INVS: variants seen among roughly 807,000 people sequenced by gnomAD.
INVS encodes inversion of embryo turning homolog.
In INVS, 86 loss-of-function variants were observed where a neutral mutation model predicts 108.8. That is an observed-to-expected ratio of 0.79 (90% CI 0.66 to 0.95). The LOEUF is 0.95. Ranked by LOEUF, INVS falls within the 40% of genes least tolerant of loss-of-function variation. INVS has a pLI of 0.00. For missense variants in INVS, 1,169 were observed against 1,297.4 expected (o/e 0.90, Z 1.52); for synonymous variants, 455 against 473.5 (o/e 0.96, Z 0.51).
At chr9:100,122,748 T>C (rs909944682) in intron 2 of INVS, among the ~76,000 whole-genome samples, 3 of 151,880 alleles carry the variant, frequency 2.0e-5, no homozygotes, top group Non-Finnish European at 4.4e-5. Context: ...CACACCCAGC[T>C]AATTTTTTCT....
chr9:100,117,360 C>T (rs1205594522), intron 2 of INVS: 2 of 750,254 alleles, frequency 2.7e-6, no homozygotes, highest in Non-Finnish European at 4.8e-6. Flanking sequence ...TCAATGATCT[C>T]AGATTCATTA....
Position 100,264,864 on chromosome 9 carries a change from G to C in INVS, c.1507G>C (p.Asp503His). 1 of 1,613,710 alleles carries C rather than the reference G, an allele frequency of 6.2e-7. No individual in the cohort carries two copies. The change falls in exon 11 of 17, where the codon GAT becomes CAT. Residue 503 changes from aspartate (D) to histidine (H), a missense_variant. This residue lies in a region of INVS where 271 missense variants were observed against 363.8 expected (regional missense o/e 0.74). Transcript: ENST00000262457. Reference sequence around the variant, plus strand: ...TTGGTCCTGCAACAATGGATACCTTGATGCCATTAAATTACTGCTAGACTT... The same window carrying C: ...TTGGTCCTGCAACAATGGATACCTTCATGCCATTAAATTACTGCTAGACTT... ...LHWSCNNGYLDAIKLLLDFAA... is the reference protein window; with the variant it reads ...LHWSCNNGYLHAIKLLLDFAA...
intron 3 of INVS, among the ~76,000 whole-genome samples, chr9:100,135,433 G>T (rs758066881): frequency 6.6e-6 from 1 of 152,156 alleles, no homozygotes; most frequent in Admixed American, 6.5e-5. Context: ...AATTCAGCAG[G>T]GCTGGTGTGG....
intron 2 of INVS, among the ~76,000 whole-genome samples, chr9:100,109,618 A>G (rs976717516): frequency 1.6e-4 from 25 of 152,192 alleles, no homozygotes; most frequent in African/African-American, 5.1e-4. Flanking sequence ...TTCACTGTCC[A>G]TGTTCTGAGC....
chr9:100,221,749 G>A (rs898832527), intron 3 of INVS, among the ~76,000 whole-genome samples: 4 of 151,948 alleles, frequency 2.6e-5, no homozygotes, highest in South Asian at 2.1e-4. Flanking sequence ...TGCTTTCTGT[G>A]ATTTCATTTA....
At chr9:100,183,372 G>A (rs1829954846) in intron 3 of INVS, among the ~76,000 whole-genome samples, 2 of 152,216 alleles carry the variant, frequency 1.3e-5, no homozygotes, top group South Asian at 2.1e-4. Context: ...TAAAATAATC[G>A]CTTTAAAATG....
chr9:100,175,657 C>G (rs1829688190), intron 3 of INVS: 2 of 643,692 alleles, frequency 3.1e-6, no homozygotes, highest in Non-Finnish European at 5.8e-6. Context: ...TGAGCACCTA[C>G]CTACCCCAGC....
At chr9:100,293,445 G>A (rs1833688999) in intron 14 of INVS, among the ~76,000 whole-genome samples, 1 of 152,142 alleles carries the variant, frequency 6.6e-6, no homozygotes, top group South Asian at 2.1e-4. Flanking sequence ...ACAGGTTGCT[G>A]GAATGAGATA....
rs768497061 is a variant in INVS, at chr9:100,301,939, A to C, written c.*1265A>C. 59 of 319,508 alleles carry C rather than the reference A, an allele frequency of 1.8e-4. No homozygotes were observed. Among genetic ancestry groups the C allele is most frequent in the Non-Finnish European group, 2.8e-4 (49 of 176,576 alleles). 19.8% of individuals were successfully genotyped at this position (319,508 alleles called of 1,614,324 possible). ...ACCACAGTATCACTCTCTATTTTGT[A>C]AATATTTAGCTCCTATGAAATGCAC... On this transcript the variant is annotated 3_prime_UTR_variant, in exon 17 of 17. Coordinates refer to ENST00000262457, the MANE Select transcript of INVS (RefSeq NM_014425.5).
chr9:100,262,241 A>G (rs2118616393), intron 10 of INVS, among the ~76,000 whole-genome samples: 1 of 151,416 alleles, frequency 6.6e-6, no homozygotes, highest in East Asian at 1.9e-4. Context: ...ACCTTGTCAA[A>G]AAAAAAAAGT....
At chr9:100,180,289 C>T (rs1829848215) in intron 3 of INVS, among the ~76,000 whole-genome samples, 1 of 151,368 alleles carries the variant, frequency 6.6e-6, no homozygotes, top group South Asian at 2.1e-4. Flanking sequence ...CAGAGCAGAA[C>T]TAAAGGAGAT....
intron 3 of INVS, among the ~76,000 whole-genome samples, chr9:100,183,684 G>C (rs951904272): frequency 1.3e-5 from 2 of 151,270 alleles, no homozygotes; most frequent in Non-Finnish European, 2.9e-5. Context: ...CCAGCTACTC[G>C]GGAGGCTGAG....
At chr9:100,203,826 T>C (rs1830601330) in intron 3 of INVS, among the ~76,000 whole-genome samples, 2 of 152,162 alleles carry the variant, frequency 1.3e-5, no homozygotes, top group African/African-American at 4.8e-5. Context: ...TGTAATGTTG[T>C]GTAAAAAAAT....
chr9:100,195,897 A>G (rs1315885498), intron 3 of INVS, among the ~76,000 whole-genome samples: 1 of 152,204 alleles, frequency 6.6e-6, no homozygotes, highest in African/African-American at 2.4e-5. Flanking sequence ...TTTTTGCAAC[A>G]GTGTTAAAAG....
chr9:100,104,717 C>A, intron 2 of INVS, 90 bp downstream of exon 2: 1 of 816,324 alleles, frequency 1.2e-6, no homozygotes, highest in East Asian at 2.5e-5. Flanking sequence ...GCAATGTACT[C>A]ATACATTTTA....
chr9:100,260,191 T>TC (rs1466897583), intron 10 of INVS, among the ~76,000 whole-genome samples: 1 of 145,806 alleles, frequency 6.9e-6, no homozygotes, highest in Non-Finnish European at 1.5e-5. Flanking sequence ...CTTTTCTTTT[T>TC]TTTTTTTTTT....
chr9:100,113,824 A>G (rs1827421613), intron 2 of INVS, among the ~76,000 whole-genome samples: 1 of 152,194 alleles, frequency 6.6e-6, no homozygotes, highest in African/African-American at 2.4e-5. Flanking sequence ...ACCAAAACTT[A>G]TTCCTTATAT....
At chr9:100,219,308 A>G (rs1252863539) in intron 3 of INVS, among the ~76,000 whole-genome samples, 1 of 152,210 alleles carries the variant, frequency 6.6e-6, no homozygotes, top group Non-Finnish European at 1.5e-5. Context: ...GGAAATGCAC[A>G]TTAAAACACA....
At chr9:100,159,156 A>G (rs1011376577) in intron 3 of INVS, among the ~76,000 whole-genome samples, 7 of 152,226 alleles carry the variant, frequency 4.6e-5, no homozygotes, top group Admixed American at 2.6e-4. Flanking sequence ...AAGACAATCT[A>G]CAAAGAATTC....
Sources: gnomAD v4.1 joint callset for allele counts (sites outside exome capture counted in the v4.1 genomes callset) on GRCh38, gnomAD v4.1.1 for gene constraint, gnomAD v4.1.1 regional missense constraint, MANE v1.5 for transcripts, NCBI Gene and HGNC (gene_info 2026-07-23, HGNC 2026-07-21) for gene names.